The following ABTB3 variants were observed in gnomAD, a reference collection of about 807,000 sequenced individuals.
ABTB3 encodes ankyrin repeat and BTB domain containing 3.
the ABTB3 span, among the ~76,000 whole-genome samples, chr12:107,321,080 A>G: frequency 7.9e-5 from 12 of 152,204 alleles, no homozygotes; most frequent in African/African-American, 2.9e-4. Flanking sequence ...TCAAAGCTTC[A>G]ATTTTCCACA....
At chr12:107,651,683 G>C in the ABTB3 span, 1 of 1,613,828 alleles carries the variant, frequency 6.2e-7, no homozygotes, top group Non-Finnish European at 8.5e-7. Flanking sequence ...GCTTCTGTCT[G>C]CTGCTAAGTT....
the ABTB3 span, among the ~76,000 whole-genome samples, chr12:107,528,817 A>T: frequency 9.2e-5 from 14 of 151,734 alleles, no homozygotes; most frequent in Non-Finnish European, 1.3e-4. Context: ...GGAGATGATG[A>T]CGGTGGTCAT....
At chr12:107,395,346 G>A in the ABTB3 span, among the ~76,000 whole-genome samples, 1 of 152,124 alleles carries the variant, frequency 6.6e-6, no homozygotes, top group African/African-American at 2.4e-5. Flanking sequence ...GTAACAGTGG[G>A]TGCAGCCTCA....
At chr12:107,378,676 C>T in the ABTB3 span, among the ~76,000 whole-genome samples, 1 of 152,192 alleles carries the variant, frequency 6.6e-6, no homozygotes, top group Non-Finnish European at 1.5e-5. Context: ...CCTCCACACA[C>T]TGGCTCGCCT....
the ABTB3 span, among the ~76,000 whole-genome samples, chr12:107,622,715 C>A: frequency 6.6e-6 from 1 of 152,202 alleles, no homozygotes; most frequent in Non-Finnish European, 1.5e-5. Context: ...CTCAAGCAAT[C>A]CTCCCACCTC....
At chr12:107,570,618 G>A in the ABTB3 span, among the ~76,000 whole-genome samples, 3 of 151,826 alleles carry the variant, frequency 2.0e-5, no homozygotes, top group African/African-American at 7.2e-5. Context: ...TGTTTCCAGT[G>A]GGATTGGATG....
the ABTB3 span, among the ~76,000 whole-genome samples, chr12:107,491,145 CT>C: frequency 1.3e-5 from 2 of 152,156 alleles, no homozygotes; most frequent in African/African-American, 4.8e-5. Context: ...CAGAGACCAG[CT>C]CTCCAAGATC....
At chr12:107,319,885 CCCGCCGG>C in the ABTB3 span, 1 of 1,330,158 alleles carries the variant, frequency 7.5e-7, no homozygotes, top group South Asian at 1.9e-5. Context: ...GCTGTTGCGC[CCCGCCGG>C]CCGCCGCGGC....
chr12:107,614,663 C>T, the ABTB3 span, among the ~76,000 whole-genome samples: 2 of 152,154 alleles, frequency 1.3e-5, no homozygotes, highest in Admixed American at 1.3e-4. Flanking sequence ...CTTCAAAGCA[C>T]CTGAGAGGCG....
the ABTB3 span, chr12:107,658,730 T>G: frequency 6.6e-6 from 1 of 152,630 alleles, no homozygotes; most frequent in South Asian, 2.1e-4. Context: ...TGTTCATAGA[T>G]GATGCTGAAT....
the ABTB3 span, chr12:107,618,043 T>C: frequency 1.1e-6 from 1 of 945,036 alleles, no homozygotes; most frequent in South Asian, 1.6e-5. Context: ...CCATTGATCT[T>C]GTCATCACCC....
chr12:107,319,964 G>T, the ABTB3 span: 1 of 1,580,172 alleles, frequency 6.3e-7, no homozygotes. Context: ...TGCGCTCCAC[G>T]AGGCGCCCAA....
At chr12:107,328,660 A>G in the ABTB3 span, among the ~76,000 whole-genome samples, 1 of 152,212 alleles carries the variant, frequency 6.6e-6, no homozygotes, top group Non-Finnish European at 1.5e-5. Flanking sequence ...TCTTATCCCC[A>G]TTGTGCTGAG....
the ABTB3 span, among the ~76,000 whole-genome samples, chr12:107,334,630 C>T: frequency 6.6e-6 from 1 of 152,006 alleles, no homozygotes; most frequent in Admixed American, 6.6e-5. Context: ...ATCTCGGATT[C>T]AGGAGAGAGG....
chr12:107,525,879 T>C, the ABTB3 span, among the ~76,000 whole-genome samples: 1 of 152,366 alleles, frequency 6.6e-6, no homozygotes, highest in African/African-American at 2.4e-5. Context: ...TAAGGTATTA[T>C]TATTCCCATT....
the ABTB3 span, among the ~76,000 whole-genome samples, chr12:107,535,336 A>G: frequency 1.3e-5 from 2 of 152,192 alleles, no homozygotes; most frequent in Non-Finnish European, 2.9e-5. Context: ...TTTAATGGGG[A>G]AAAGCTGAAA....
the ABTB3 span, among the ~76,000 whole-genome samples, chr12:107,394,026 C>T: frequency 6.6e-6 from 1 of 152,204 alleles, no homozygotes; most frequent in African/African-American, 2.4e-5. Flanking sequence ...TGCCTGGGTT[C>T]CCACCCATGA....
the ABTB3 span, among the ~76,000 whole-genome samples, chr12:107,321,584 A>G: frequency 8.1e-5 from 12 of 147,666 alleles, no homozygotes; most frequent in Non-Finnish European, 1.5e-4. Context: ...CAACCCTCAA[A>G]GAGAGGATAT....
chr12:107,608,893 TA>T, the ABTB3 span, among the ~76,000 whole-genome samples: 1 of 84,324 alleles, frequency 1.2e-5, no homozygotes, highest in African/African-American at 5.7e-5. Context: ...TAAAATAAAA[TA>T]AATAAAATAA....
Sources: allele counts gnomAD v4.1 joint callset (sites outside exome capture counted in the v4.1 genomes callset), GRCh38; gene constraint gnomAD v4.1.1; transcripts MANE v1.5; gene names NCBI Gene and HGNC (gene_info 2026-07-23, HGNC 2026-07-21).